The following FN1 variants were observed in gnomAD, a reference collection of about 807,000 sequenced individuals.
The protein encoded by FN1 is fibronectin.
A neutral mutation model predicts 297.3 loss-of-function variants in FN1; 106 were observed. The ratio of observed to expected loss-of-function variants is 0.36; its 90% CI spans 0.30 to 0.42. The LOEUF (loss-of-function observed/expected upper bound fraction) is 0.42. FN1 is among the 10% of genes least tolerant of loss of function. FN1 has a pLI of 1.00. For missense variants in FN1, 2,690 were observed against 3,124.9 expected, an observed-to-expected ratio of 0.86 and a Z score of 3.32; for synonymous variants, 1,149 against 1,152.6, an observed-to-expected ratio of 1.00 and a Z score of 0.06.
chr2:215,421,697 A>C (rs2106413763), intron 10 of FN1, among the ~76,000 whole-genome samples: 1 of 152,332 alleles, frequency 6.6e-6, no homozygotes, highest in Non-Finnish European at 1.5e-5. Context: ...TGTTTCCTGA[A>C]ATCTGGATCT....
chr2:215,387,629 T>G (rs1316924909), intron 27 of FN1, among the ~76,000 whole-genome samples: 2 of 152,208 alleles, frequency 1.3e-5, no homozygotes, highest in African/African-American at 2.4e-5. Context: ...TCTGTTTCAG[T>G]TACAGCATTT....
Position 215,409,678 on chromosome 2 carries a change from C to T in FN1, c.2184G>A (p.Val728=), listed in dbSNP as rs1234464198. 5 of 1,614,100 alleles carry T rather than the reference C, an allele frequency of 3.1e-6. No homozygotes were observed. The highest frequency in any genetic ancestry group is 4.2e-6 in the Non-Finnish European group (5 of 1,180,004). The stretch of plus-strand genomic sequence containing the variant: ...CAAAGCTACTGGCTGTGATTTCGGT[C>T]ACAGATTCAGAAGTGGCCACAAGAG... The part of the protein sequence containing the change: ...FSPLVATSES[V]TEITASSFVV... The change falls in exon 15 of 46, where the codon GTG becomes GTA. Residue 728 remains valine, a synonymous_variant. Transcript: ENST00000354785.
chr2:215,419,655 A>G (rs1305085174), intron 11 of FN1, among the ~76,000 whole-genome samples: 1 of 152,158 alleles, frequency 6.6e-6, no homozygotes, highest in Non-Finnish European at 1.5e-5. Flanking sequence ...ATTTCAGTGT[A>G]TATTGATAAT....
At chr2:215,373,449 G>T in intron 38 of FN1, 38 bp from the exon 39 acceptor site, 1 of 1,539,780 alleles carries the variant, frequency 6.5e-7, no homozygotes, top group South Asian at 1.1e-5. Flanking sequence ...ATGTCAATGG[G>T]CTCAGCTAGT....
At chr2:215,368,844 TAAA>T (rs944291921) in intron 41 of FN1, among the ~76,000 whole-genome samples, 2 of 152,224 alleles carry the variant, frequency 1.3e-5, no homozygotes, top group Admixed American at 1.3e-4. Context: ...AAGCTTATTT[TAAA>T]AAAATCTATG....
At chr2:215,400,978 T>C (rs2060940729) in intron 20 of FN1, among the ~76,000 whole-genome samples, 1 of 149,840 alleles carries the variant, frequency 6.7e-6, no homozygotes, top group South Asian at 2.1e-4. Flanking sequence ...GTATTTTTAG[T>C]AAAGATGGGG....
At chr2:215,417,511 T>C (rs1263297476) in intron 12 of FN1, among the ~76,000 whole-genome samples, 1 of 152,210 alleles carries the variant, frequency 6.6e-6, no homozygotes, top group African/African-American at 2.4e-5. Flanking sequence ...TTTTGCTAGT[T>C]TGAACAACTC....
chr2:215,391,855 T>A, intron 25 of FN1, 41 bp from the exon 26 acceptor site: 1 of 1,582,144 alleles, frequency 6.3e-7, no homozygotes, highest in Non-Finnish European at 8.7e-7. Flanking sequence ...AATGTAATTT[T>A]AAAATTAAAG....
At chr2:215,385,226 A>G (rs2058753961) in intron 28 of FN1, among the ~76,000 whole-genome samples, 1 of 149,392 alleles carries the variant, frequency 6.7e-6, no homozygotes, top group Non-Finnish European at 1.5e-5. Flanking sequence ...TATTTGGAAA[A>G]ATTTCAAAAC....
intron 27 of FN1, 70 bp from the exon 28 acceptor site, chr2:215,387,028 A>G: frequency 1.4e-6 from 2 of 1,416,210 alleles, no homozygotes; most frequent in Non-Finnish European, 1.9e-6. Flanking sequence ...GAAGTGAGGA[A>G]GGTGTAGGGG....
rs371435589 is a variant in FN1 at position 215,407,133 on chromosome 2, G to T, written c.2707C>A (p.Arg903Ser). Reference sequence around the variant, plus strand: ...GTCTTCTTAAAAAAGTTACCTGAGCGTGGGGTGCCAGTGGTTTCTTGTTGA... The same window carrying T: ...GTCTTCTTAAAAAAGTTACCTGAGCTTGGGGTGCCAGTGGTTTCTTGTTGA... ...VIQQETTGTP[R>S]SDTVPSPRDL... The change falls in exon 18 of 46, where the codon CGC becomes AGC. Residue 903 changes from arginine (R) to serine (S), a missense_variant. Physicochemically the swap from Arg to Ser is moderately radical, Grantham distance 110. Around this residue, in one of 3 missense-constraint regions of FN1, gnomAD observed 71 missense variants for 121.7 expected, o/e 0.58. Coordinates refer to ENST00000354785, the MANE Select transcript of FN1 (RefSeq NM_212482.4). 3.1e-6 allele frequency: 5 copies of T among 1,613,184 alleles called. No homozygotes were observed. The highest frequency in any genetic ancestry group is 4.2e-6 in the Non-Finnish European group (5 of 1,179,244).
intron 33 of FN1, 179 bp downstream of exon 33, chr2:215,380,632 T>G (rs930512618): frequency 9.0e-5 from 77 of 853,892 alleles, no homozygotes; most frequent in Non-Finnish European, 1.4e-4. Flanking sequence ...ATCAGACTTG[T>G]TTCCTTAAAT....
chr2:215,410,152 CGT>C (rs1559513702), intron 13 of FN1, 38 bp from the exon 14 acceptor site: 1 of 1,456,564 alleles, frequency 6.9e-7, no homozygotes, highest in South Asian at 1.2e-5. Flanking sequence ...CACACACACA[CGT>C]GTTTACAAGG....
At chr2:215,392,774 A>G (rs1297016463) in intron 25 of FN1, 157 bp downstream of exon 25, 4 of 755,078 alleles carry the variant, frequency 5.3e-6, no homozygotes, top group Non-Finnish European at 9.1e-6. Context: ...CAATCAGTTT[A>G]GCAGATGCAT....
intron 30 of FN1, 106 bp from the exon 31 acceptor site, chr2:215,383,589 T>A: frequency 8.7e-7 from 1 of 1,144,514 alleles, no homozygotes; most frequent in Non-Finnish European, 1.3e-6. Context: ...ATCGCTTACA[T>A]GAGAAAGGTA....
intron 20 of FN1, among the ~76,000 whole-genome samples, chr2:215,401,198 AAAAG>A (rs1168414564): frequency 1.2e-5 from 1 of 86,780 alleles, no homozygotes; most frequent in Non-Finnish European, 2.2e-5. Flanking sequence ...AGAAAGAAAG[AAAAG>A]AAAGAAAGAA....
At chr2:215,365,423 A>G (rs2054335056) in intron 43 of FN1, 82 bp downstream of exon 43, 2 of 1,456,880 alleles carry the variant, frequency 1.4e-6, no homozygotes, top group African/African-American at 1.4e-5. Flanking sequence ...GTCTCCAATC[A>G]TTTCTGTGAA....
At position 215,393,187 on chromosome 2, in the gene FN1, A is replaced by G. The variant is rs2059909239; in HGVS notation, c.3813T>C (p.Thr1271=). 1 of 1,613,820 alleles carries G rather than the reference A, an allele frequency of 6.2e-7. No homozygotes were observed. Among genetic ancestry groups the G allele is most frequent in the African/African-American group, 1.3e-5 (1 of 74,830 alleles). The part of the protein sequence containing the change: ...DTIIPEVPQL[T]DLSFVDITDS... ...CGGTTATATCAACAAAGCTTAGGTCAGTGAGTTGGGGCACCTCTATTGAGT... is the reference window on the plus strand; with the variant it reads ...CGGTTATATCAACAAAGCTTAGGTCGGTGAGTTGGGGCACCTCTATTGAGT... Residue 1271 remains threonine, a synonymous_variant, in exon 25 of 46, where the codon ACT becomes ACC. Transcript: ENST00000354785.
intron 18 of FN1, 78 bp from the exon 19 acceptor site, chr2:215,406,588 T>TA (rs1245368105): frequency 6.8e-7 from 1 of 1,470,836 alleles, no homozygotes; most frequent in African/African-American, 1.4e-5. Flanking sequence ...TTGGATATGT[T>TA]AGGCAGTTCA....
Sources: allele counts gnomAD v4.1 joint callset (sites outside exome capture counted in the v4.1 genomes callset), GRCh38; gene constraint gnomAD v4.1.1; regional missense constraint gnomAD v4.1.1; transcripts MANE v1.5; gene names NCBI Gene and HGNC (gene_info 2026-07-23, HGNC 2026-07-21).